AMN: variants seen among roughly 807,000 people sequenced by gnomAD.
The protein encoded by AMN is protein amnionless.
In AMN, 40 loss-of-function variants were observed where a neutral mutation model predicts 49.1. The observed-to-expected ratio is 0.81, with a 90% confidence interval of 0.63 to 1.06. AMN has a LOEUF of 1.06. Ranked by LOEUF, AMN falls within the 50% of genes least tolerant of loss-of-function variation. The pLI is 0.00. For missense variants in AMN, 701 were observed against 662.8 expected, an observed-to-expected ratio of 1.06 and a Z score of -0.63; for synonymous variants, 380 against 313.3, an observed-to-expected ratio of 1.21 and a Z score of -2.25.
intron 3 of AMN, among the ~76,000 whole-genome samples, chr14:102,925,946 T>C (rs193280398): frequency 6.6e-6 from 1 of 152,346 alleles, no homozygotes; most frequent in East Asian, 1.9e-4. Flanking sequence ...ATCAGTGCCT[T>C]ACTTTGTAAT....
Position 102,928,410 on chromosome 14 carries a change from CCCGTGTCTCTTGCAGCT to C in AMN, c.208-13_211del, listed in dbSNP as rs1566827504. 1.3e-6 allele frequency: 2 copies of C among 1,583,154 alleles called. No homozygotes were observed. Among genetic ancestry groups the C allele is most frequent in the Non-Finnish European group, 1.7e-6 (2 of 1,167,174 alleles). On this transcript the variant is annotated splice_acceptor_variant and splice_polypyrimidine_tract_variant and coding_sequence_variant and intron_variant, in exon 4 of 12. Transcript: ENST00000299155. LOFTEE classifies it high-confidence loss of function. ...GGACCCCCGCGTGGCGCCGCCTCAG[CCCGTGTCTCTTGCAGCT>C]CCTGCCGCTGGATGGGGAACTCGTC... is the stretch of plus-strand genomic sequence containing the variant.
chr14:102,922,917 C>G (rs892112866), intron 1 of AMN, 186 bp downstream of exon 1: 5 of 809,582 alleles, frequency 6.2e-6, no homozygotes, highest in Non-Finnish European at 9.4e-6. Flanking sequence ...CGGAAGTGCG[C>G]GGCCAGTGCA....
chr14:102,928,765 T>G lies in AMN; in HGVS notation c.303T>G (p.Pro101=). The G allele has an allele frequency of 1.2e-6, 2 of 1,608,018 alleles. No homozygotes were observed. Among genetic ancestry groups the G allele is most frequent in the Non-Finnish European group, 1.7e-6 (2 of 1,179,604 alleles). ...GSHLDCGAGE[P]AVFRDSDRFS... is the part of the protein sequence containing the mutation. Reference sequence around the variant, plus strand: ...GGATGTGCTCCGGCTCAGGCGAACCTGCCGTCTTCCGCGACTCTGACCGCT... The same window carrying G: ...GGATGTGCTCCGGCTCAGGCGAACCGGCCGTCTTCCGCGACTCTGACCGCT... Residue 101 remains proline, a synonymous_variant, in exon 5 of 12, where the codon CCT becomes CCG. Coordinates refer to ENST00000299155, the MANE Select transcript of AMN (RefSeq NM_030943.4).
rs1042562864 is a variant in AMN, at chr14:102,928,940, C to G, written c.478C>G (p.Pro160Ala). ...CGTGGGGCTCGGCCCTGGCGCTAGC[C>G]CCGTGCGTGTCCGCAGCATCTCGGC... ...FRVGLGPGAS[P>A]VRVRSISALG... The change falls in exon 5 of 12, where the codon CCC (proline) becomes GCC (alanine). Residue 160 changes from proline (P) to alanine (A), a missense_variant. Pro to Ala is a conservative substitution (Grantham distance 27, BLOSUM62 -1). Coordinates refer to ENST00000299155, the MANE Select transcript of AMN (RefSeq NM_030943.4). The G allele has an allele frequency of 3.7e-6, 6 of 1,600,336 alleles. No individual in the cohort carries two copies. Among genetic ancestry groups the G allele is most frequent in the Non-Finnish European group, 5.1e-6 (6 of 1,179,662 alleles).
At chr14:102,926,752 CA>C (rs1213695785) in intron 3 of AMN, among the ~76,000 whole-genome samples, 1 of 152,034 alleles carries the variant, frequency 6.6e-6, no homozygotes, top group African/African-American at 2.4e-5. Flanking sequence ...GGATAAATAA[CA>C]GCCTTATGCT....
At chr14:102,928,333 C>A in intron 3 of AMN, 93 bp from the exon 4 acceptor site, 1 of 1,206,812 alleles carries the variant, frequency 8.3e-7, no homozygotes, top group Non-Finnish European at 1.2e-6. Flanking sequence ...TGCACAGGGT[C>A]TCGGCTTCTC....
intron 5 of AMN, 28 bp from the exon 6 acceptor site, chr14:102,929,093 G>C (rs775026504): frequency 2.5e-6 from 4 of 1,597,530 alleles, no homozygotes. Context: ...CCTCGGGCTG[G>C]CTCCGGTGGG....
intron 3 of AMN, 22 bp downstream of exon 3, chr14:102,924,001 C>T: frequency 6.2e-7 from 1 of 1,613,286 alleles, no homozygotes; most frequent in Non-Finnish European, 8.5e-7. Flanking sequence ...CTGCTACTGC[C>T]ACTGGGCTGG....
In AMN at chr14:102,929,555, C is replaced by T. The variant is rs1254297692; in HGVS notation, c.760+19C>T. 1 of 1,542,290 alleles carries T rather than the reference C, an allele frequency of 6.5e-7. No individual in the cohort carries two copies. Among genetic ancestry groups the T allele is most frequent in the South Asian group, 1.2e-5 (1 of 83,956 alleles). ...CTCTGTGGTAAGCGCCCCCGCCGGG[C>T]CCTGCTTGCTGGGAAGGCCTGGAGG... is the stretch of plus-strand genomic sequence containing the variant. On this transcript the variant is annotated intron_variant, in intron 7 of 11. Transcript: ENST00000299155.
Position 102,928,509 on chromosome 14 carries a change from C to G in AMN, c.291C>G (p.Gly97=). Residue 97 remains glycine (G), a synonymous_variant, in exon 4 of 12, where the codon GGC becomes GGG. Coordinates refer to ENST00000299155, the MANE Select transcript of AMN (RefSeq NM_030943.4). ...VSDVGSHLDC[G]AGEPAVFRDS... ...ACGTGGGCTCGCACCTGGACTGTGG[C>G]GCGGGTGAGGCGGTCGGGCAGGGGC... is the stretch of plus-strand genomic sequence containing the variant. The G allele has an allele frequency of 1.2e-6, 2 of 1,606,500 alleles. No individual in the cohort carries two copies. Among genetic ancestry groups the G allele is most frequent in the African/African-American group, 1.3e-5 (1 of 74,842 alleles).
In AMN at chr14:102,924,481, T is replaced by C. The variant is rs1891143955; in HGVS notation, c.207+502T>C. ...TTCTCCTAGGGACCCCTATTGTCAC[T>C]GCGCCAGCGAGGGGCCTGGGTGGGT... On this transcript the variant is annotated intron_variant, in intron 3 of 11. Transcript: ENST00000299155. Among the ~76,000 whole-genome samples, 6 of 152,304 alleles carry C rather than the reference T, an allele frequency of 3.9e-5. No homozygotes were observed. In the South Asian group the frequency reaches 1.2e-3, roughly 32 times the overall value.
intron 1 of AMN, chr14:102,923,094 T>G: frequency 3.5e-6 from 1 of 282,732 alleles, no homozygotes; most frequent in Non-Finnish European, 6.8e-6. Context: ...CCGCCTCAGC[T>G]TCCCGGTCCC....
chr14:102,928,197 C>T (rs1307601882), intron 3 of AMN, among the ~76,000 whole-genome samples: 1 of 152,240 alleles, frequency 6.6e-6, no homozygotes, highest in East Asian at 1.9e-4. Context: ...AGGGACAGGA[C>T]ACTGGGCTGT....
chr14:102,929,554 G>A lies in AMN; in HGVS notation c.760+18G>A, dbSNP rs1206092514. The A allele has an allele frequency of 5.8e-6, 9 of 1,542,058 alleles. No homozygotes were observed. The highest frequency in any genetic ancestry group is 7.9e-6 in the Non-Finnish European group (9 of 1,146,304). On this transcript the variant is annotated intron_variant, in intron 7 of 11. Transcript: ENST00000299155. Reference sequence around the variant, plus strand: ...CCTCTGTGGTAAGCGCCCCCGCCGGGCCCTGCTTGCTGGGAAGGCCTGGAG... The same window carrying A: ...CCTCTGTGGTAAGCGCCCCCGCCGGACCCTGCTTGCTGGGAAGGCCTGGAG...
chr14:102,929,311 C>A, intron 6 of AMN, 53 bp downstream of exon 6: 1 of 1,453,682 alleles, frequency 6.9e-7, no homozygotes, highest in Non-Finnish European at 9.0e-7. Flanking sequence ...CGGGACTGTG[C>A]CCGGGACAGG....
At position 102,930,274 on chromosome 14, in the gene AMN, GCTGCTGGTC is replaced by G; in HGVS notation, c.1125_1133del (p.Leu376_Val378del). The G allele has an allele frequency of 1.4e-6, 2 of 1,381,938 alleles. No homozygotes were observed. Among genetic ancestry groups the G allele is most frequent in the South Asian group, 1.7e-5 (1 of 59,586 alleles). 85.6% of individuals were successfully genotyped at this position (1,381,938 alleles called of 1,614,324 possible). ...GCGTGGCGGCTGCCGTGCTGCTGGC[GCTGCTGGTC>G]CTGCTGGTGGCGCCGCCGCTGCTGC... is the stretch of plus-strand genomic sequence containing the variant. On this transcript the variant is annotated inframe_deletion, in exon 10 of 12. Transcript: ENST00000299155.
chr14:102,929,656 A>G lies in AMN; in HGVS notation c.762A>G (p.Gly254=). 5 of 1,549,252 alleles carry G rather than the reference A, an allele frequency of 3.2e-6. No individual in the cohort carries two copies. Among genetic ancestry groups the G allele is most frequent in the Non-Finnish European group, 4.4e-6 (5 of 1,146,946 alleles). ...CTGACCCCTGCCCTCCCGCCGCAGG[A>G]GCCGTTGTGTTGCTGACCCACGGCC... is the stretch of plus-strand genomic sequence containing the variant. ...RPQGQCCDLC[G]AVVLLTHGPA... The change falls in exon 8 of 12, where the codon GGA becomes GGG. Residue 254 remains glycine, a splice_region_variant and synonymous_variant. Transcript: ENST00000299155.
chr14:102,923,477 C>T (rs1464929544), intron 1 of AMN: 7 of 541,810 alleles, frequency 1.3e-5, no homozygotes, highest in South Asian at 9.9e-5. Context: ...TCCTGCAGGG[C>T]GCGTTTGAGC....
intron 3 of AMN, among the ~76,000 whole-genome samples, chr14:102,927,141 G>A (rs937461664): frequency 6.6e-6 from 1 of 152,176 alleles, no homozygotes; most frequent in African/African-American, 2.4e-5. Context: ...TGATATGCCC[G>A]CTTCGGCCTT....
Sources: gnomAD v4.1 joint callset for allele counts (sites outside exome capture counted in the v4.1 genomes callset) on GRCh38, gnomAD v4.1.1 for gene constraint, MANE v1.5 for transcripts, NCBI Gene and HGNC (gene_info 2026-07-23, HGNC 2026-07-21) for gene names.